The following CTNNA3 variants were observed in gnomAD, a reference collection of about 807,000 sequenced individuals.
The protein encoded by CTNNA3 is catenin alpha-3.
CTNNA3 carries 76 observed loss-of-function variants against 95.7 expected under a neutral mutation model. The ratio of observed to expected loss-of-function variants is 0.79; its 90% confidence interval spans 0.66 to 0.96. The LOEUF is 0.96. CTNNA3 is among the 40% of genes least tolerant of loss of function. The pLI is 0.00. For synonymous variants in CTNNA3, 431 were observed against 374.4 expected (o/e 1.15, Z -1.74); for missense variants, 1,191 against 1,089.8 (o/e 1.09, Z -1.31).
chr10:66,410,624 C>T (rs1417734267), intron 11 of CTNNA3, among the ~76,000 whole-genome samples: 2 of 152,176 alleles, frequency 1.3e-5, no homozygotes, highest in Admixed American at 6.5e-5. Flanking sequence ...TTTCCCTCTG[C>T]CTTTCTGCAT....
intron 7 of CTNNA3, among the ~76,000 whole-genome samples, chr10:66,940,927 T>G (rs190747156): frequency 6.6e-6 from 1 of 152,340 alleles, no homozygotes; most frequent in Admixed American, 6.5e-5. Flanking sequence ...CTGCAGTAAC[T>G]ATATCGTAGC....
chr10:67,272,503 T>C (rs571477741), intron 5 of CTNNA3, among the ~76,000 whole-genome samples: 32 of 152,176 alleles, frequency 2.1e-4, no homozygotes, highest in African/African-American at 5.3e-4. Context: ...TAGTCAGCTA[T>C]CATTGTACCA....
intron 7 of CTNNA3, among the ~76,000 whole-genome samples, chr10:66,873,116 T>C (rs1844478062): frequency 6.6e-6 from 1 of 152,150 alleles, no homozygotes; most frequent in African/African-American, 2.4e-5. Context: ...CCTAGGTTGA[T>C]TTCATGTTTT....
chr10:66,331,492 TA>T (rs1420594936), intron 12 of CTNNA3, among the ~76,000 whole-genome samples: 1 of 151,056 alleles, frequency 6.6e-6, no homozygotes, highest in Non-Finnish European at 1.5e-5. Context: ...TAGCTGGGAC[TA>T]CAGGCGCGCA....
chr10:65,925,952 T>C (rs1039832226), intron 17 of CTNNA3, among the ~76,000 whole-genome samples: 1 of 151,458 alleles, frequency 6.6e-6, no homozygotes, highest in African/African-American at 2.4e-5. Flanking sequence ...ACACATAATA[T>C]ATAAAATGAC....
intron 9 of CTNNA3, among the ~76,000 whole-genome samples, chr10:66,694,444 A>G (rs1347262501): frequency 6.6e-6 from 1 of 152,178 alleles, no homozygotes; most frequent in Non-Finnish European, 1.5e-5. Flanking sequence ...CACCAATAAC[A>G]GGCTCTGAAA....
intron 12 of CTNNA3, among the ~76,000 whole-genome samples, chr10:66,354,997 A>C (rs1375232242): frequency 6.6e-6 from 1 of 152,150 alleles, no homozygotes; most frequent in Admixed American, 6.5e-5. Context: ...AGACATCTGC[A>C]ACTAATATTA....
intron 13 of CTNNA3, among the ~76,000 whole-genome samples, chr10:66,242,649 G>A (rs2090157204): frequency 6.6e-6 from 1 of 152,156 alleles, no homozygotes; most frequent in South Asian, 2.1e-4. Flanking sequence ...TTGACATGTG[G>A]ACCAGTCAGA....
chr10:67,140,659 G>A (rs1860515395), intron 7 of CTNNA3, among the ~76,000 whole-genome samples: 1 of 152,080 alleles, frequency 6.6e-6, no homozygotes, highest in Non-Finnish European at 1.5e-5. Context: ...CTTCAATATG[G>A]CCCAATAACA....
chr10:66,985,922 T>A (rs1251877902), intron 7 of CTNNA3, among the ~76,000 whole-genome samples: 2 of 151,964 alleles, frequency 1.3e-5, no homozygotes. Flanking sequence ...GAGACAGGGT[T>A]TCACCATGTT....
chr10:66,203,004 G>A (rs1358839601), intron 13 of CTNNA3, among the ~76,000 whole-genome samples: 1 of 152,184 alleles, frequency 6.6e-6, no homozygotes, highest in Non-Finnish European at 1.5e-5. Context: ...AGGAAATAAA[G>A]TCTCTACTGG....
At chr10:66,553,183 A>G (rs532335061) in intron 10 of CTNNA3, among the ~76,000 whole-genome samples, 2 of 152,126 alleles carry the variant, frequency 1.3e-5, no homozygotes, top group South Asian at 4.1e-4. Flanking sequence ...TGTTTTAAAT[A>G]TAGTTTTTAA....
intron 13 of CTNNA3, among the ~76,000 whole-genome samples, chr10:66,140,737 G>A (rs2083571403): frequency 6.6e-6 from 1 of 152,202 alleles, no homozygotes; most frequent in Non-Finnish European, 1.5e-5. Context: ...ACCTATGTGA[G>A]GAAGTGCCAG....
intron 15 of CTNNA3, among the ~76,000 whole-genome samples, chr10:66,020,901 C>A (rs2079191225): frequency 6.6e-6 from 1 of 151,952 alleles, no homozygotes; most frequent in Admixed American, 6.6e-5. Context: ...TCTCGATCTC[C>A]TGACCTCATG....
intron 13 of CTNNA3, among the ~76,000 whole-genome samples, chr10:66,241,182 A>G (rs1038784939): frequency 3.3e-5 from 5 of 152,108 alleles, no homozygotes; most frequent in African/African-American, 1.2e-4. Context: ...AAATGCTCAT[A>G]CACAATTGGG....
At chr10:67,080,947 AAAC>A (rs1437003971) in intron 7 of CTNNA3, among the ~76,000 whole-genome samples, 3 of 151,574 alleles carry the variant, frequency 2.0e-5, no homozygotes, top group Admixed American at 1.3e-4. Context: ...AAAAAAAAAA[AAAC>A]AAAGAAGAGG....
chr10:66,871,656 A>G (rs1162545824), intron 7 of CTNNA3, among the ~76,000 whole-genome samples: 3 of 152,148 alleles, frequency 2.0e-5, no homozygotes, highest in African/African-American at 7.2e-5. Context: ...ATTTGGAGAT[A>G]AAAGCGACAA....
At chr10:66,254,437 C>T (rs571010747) in intron 13 of CTNNA3, among the ~76,000 whole-genome samples, 4 of 152,248 alleles carry the variant, frequency 2.6e-5, no homozygotes, top group African/African-American at 7.2e-5. Context: ...ATGGCTAATA[C>T]GGTTCAAAAT....
At chr10:66,939,853 T>C (rs778934761) in intron 7 of CTNNA3, among the ~76,000 whole-genome samples, 11 of 152,212 alleles carry the variant, frequency 7.2e-5, no homozygotes, top group Non-Finnish European at 1.2e-4. Context: ...AATTCCAAAC[T>C]AATTTCATTG....
Sources: allele counts gnomAD v4.1 joint callset (sites outside exome capture counted in the v4.1 genomes callset), GRCh38; gene constraint gnomAD v4.1.1; transcripts MANE v1.5; gene names NCBI Gene and HGNC (gene_info 2026-07-23, HGNC 2026-07-21).